KDM1A: variants seen among roughly 807,000 people sequenced by gnomAD.
KDM1A encodes lysine demethylase 1A.
Under a neutral mutation model 109.4 loss-of-function variants are expected in KDM1A, and 49 were observed. The observed-to-expected ratio is 0.45, with a 90% CI of 0.36 to 0.57. KDM1A has a LOEUF of 0.57. KDM1A is among the 20% of genes least tolerant of loss of function. The probability of loss-of-function intolerance (pLI) is 0.00; values close to 1 mark genes in which losing one functional copy is unlikely to be tolerated. For missense variants in KDM1A, 668 were observed against 1,116.6 expected (o/e 0.60, Z 5.73); for synonymous variants, 380 against 415.4 (o/e 0.91, Z 1.04).
chr1:23,023,472 G>A (rs1012428429), intron 1 of KDM1A, among the ~76,000 whole-genome samples: 11 of 152,100 alleles, frequency 7.2e-5, no homozygotes, highest in South Asian at 2.1e-4. Flanking sequence ...TTCTCTCAGC[G>A]AATAGTTGGC....
At chr1:23,028,384 T>A (rs7548692) in intron 1 of KDM1A, among the ~76,000 whole-genome samples, 46,941 of 152,142 alleles carry the variant, frequency 0.31, 7,303 homozygotes, top group Middle Eastern at 0.42. Flanking sequence ...CTGTAAAGAT[T>A]GCAGTTTCCC....
At chr1:23,063,824 G>A (rs1643087579) in intron 9 of KDM1A, among the ~76,000 whole-genome samples, 1 of 152,146 alleles carries the variant, frequency 6.6e-6, no homozygotes, top group African/African-American at 2.4e-5. Context: ...CTGCTTTAAG[G>A]AAGTCAAAAA....
chr1:23,059,179 A>G lies in KDM1A; in HGVS notation c.1167+12A>G, dbSNP rs1242647805. 2.5e-6 allele frequency: 4 copies of G among 1,601,814 alleles called. No individual in the cohort carries two copies. Among genetic ancestry groups the G allele is most frequent in the Non-Finnish European group, 3.4e-6 (4 of 1,171,420 alleles). On this transcript the variant is annotated intron_variant, in intron 9 of 20. Coordinates refer to ENST00000400181, the MANE Select transcript of KDM1A (RefSeq NM_001009999.3). ...CCAACGGACAAGCTGTAAGTCGAGG[A>G]CAAACAGAACTTTCAACATTTCTTT...
At chr1:23,051,333 T>A (rs1300249408) in intron 4 of KDM1A, among the ~76,000 whole-genome samples, 1 of 152,234 alleles carries the variant, frequency 6.6e-6, no homozygotes, top group Non-Finnish European at 1.5e-5. Context: ...CATTCTTGAC[T>A]CTACCTATTA....
chr1:23,040,007 T>C (rs1196314057), intron 2 of KDM1A, among the ~76,000 whole-genome samples: 2 of 152,264 alleles, frequency 1.3e-5, no homozygotes, highest in Non-Finnish European at 2.9e-5. Flanking sequence ...TGGCTTTAAC[T>C]TTTGAAATGT....
At chr1:23,029,833 T>G (rs1641923143) in intron 1 of KDM1A, among the ~76,000 whole-genome samples, 1 of 152,132 alleles carries the variant, frequency 6.6e-6, no homozygotes, top group Non-Finnish European at 1.5e-5. Context: ...AGAGAAGGGT[T>G]TTCACCATGT....
In KDM1A at chr1:23,019,593, C is replaced by G. The variant is rs572600814; in HGVS notation, c.-4C>G. 16 of 1,412,642 alleles carry G rather than the reference C, an allele frequency of 1.1e-5. No homozygotes were observed. The African/African-American group carries it at 1.9e-4, about 17-fold the overall frequency. The allele number at this position is 1,412,642 out of a possible 1,614,324, so 87.5% of individuals were successfully genotyped here. A position where few individuals can be genotyped will look rare whatever the true frequency, so the allele number is the denominator to read the frequency against. On this transcript the variant is annotated 5_prime_UTR_variant, in exon 1 of 21. Coordinates refer to ENST00000400181, the MANE Select transcript of KDM1A (RefSeq NM_001009999.3). ...TACGGCCGTCGGCGGCCCGGCGGCC[C>G]GAGATGTTATCTGGGAAGAAGGCGG...
chr1:23,050,628 T>A, intron 4 of KDM1A, 108 bp downstream of exon 4: 1 of 854,142 alleles, frequency 1.2e-6, no homozygotes, highest in Non-Finnish European at 1.7e-6. Flanking sequence ...AAATTATCTA[T>A]AATACTATTA....
intron 9 of KDM1A, among the ~76,000 whole-genome samples, chr1:23,064,378 C>T (rs76642504): frequency 2.0e-5 from 3 of 152,264 alleles, no homozygotes; most frequent in Admixed American, 6.5e-5. Flanking sequence ...TAGAAGTGCT[C>T]GATGGCATGG....
intron 1 of KDM1A, among the ~76,000 whole-genome samples, chr1:23,029,100 C>T (rs951478679): frequency 1.1e-4 from 16 of 152,164 alleles, no homozygotes; most frequent in East Asian, 7.7e-4. Flanking sequence ...ACCAGTCCCC[C>T]GCCCCCAAAT....
intron 1 of KDM1A, among the ~76,000 whole-genome samples, chr1:23,022,076 C>T (rs1641648939): frequency 1.3e-5 from 2 of 152,172 alleles, no homozygotes; most frequent in Middle Eastern, 3.2e-3. Context: ...CATCATTTGA[C>T]GCACATTGGG....
intron 8 of KDM1A, chr1:23,057,867 G>A (rs1642881801): frequency 5.0e-6 from 1 of 199,390 alleles, no homozygotes; most frequent in Non-Finnish European, 9.9e-6. Context: ...GCAGTGGCGT[G>A]ACCTCCACTC....
chr1:23,019,494 G>A lies in KDM1A; in HGVS notation c.-103G>A, dbSNP rs1201626051. 8 of 1,294,292 alleles carry A rather than the reference G, an allele frequency of 6.2e-6. No homozygotes were observed. Among genetic ancestry groups the A allele is most frequent in the African/African-American group, 1.5e-5 (1 of 65,542 alleles). 80.2% of individuals were successfully genotyped at this position (1,294,292 alleles called of 1,614,324 possible). On this transcript the variant is annotated 5_prime_UTR_variant, in exon 1 of 21. Transcript: ENST00000400181. ...GCGCGTGCGTACGCGACGGCGGTTG[G>A]CGGCGCGCGGGCAGCGTGAAGCGAG...
In KDM1A at chr1:23,023,886, G is replaced by A. The variant is rs533924349; in HGVS notation, c.351+3939G>A. Among the ~76,000 whole-genome samples, 20 of 152,272 alleles carry A rather than the reference G, an allele frequency of 1.3e-4. No individual in the cohort carries two copies. In the South Asian group the frequency reaches 3.9e-3, roughly 30 times the overall value. On this transcript the variant is annotated intron_variant, in intron 1 of 20. Coordinates refer to ENST00000400181, the MANE Select transcript of KDM1A (RefSeq NM_001009999.3). ...TTTTTTGGAGGCAGGTTCTCACTCT[G>A]TCACCCATGCTGGAGTGCAGTGGCT...
At chr1:23,034,886 G>C (rs1642097070) in intron 2 of KDM1A, among the ~76,000 whole-genome samples, 1 of 152,134 alleles carries the variant, frequency 6.6e-6, no homozygotes, top group Non-Finnish European at 1.5e-5. Flanking sequence ...TTTTTCAGTA[G>C]AGACATCAGA....
chr1:23,033,041 T>G (rs1052253261), intron 2 of KDM1A, among the ~76,000 whole-genome samples: 22 of 152,120 alleles, frequency 1.4e-4, no homozygotes, highest in African/African-American at 5.3e-4. Context: ...TGATTACAGA[T>G]GTGCGTCACC....
At chr1:23,024,292 G>A (rs142999445) in intron 1 of KDM1A, among the ~76,000 whole-genome samples, 76 of 152,296 alleles carry the variant, frequency 5.0e-4, no homozygotes, top group Non-Finnish European at 9.7e-4. Flanking sequence ...CTACTAGGAA[G>A]CTAGCAACTA....
At chr1:23,050,978 G>C (rs1642651888) in intron 4 of KDM1A, among the ~76,000 whole-genome samples, 1 of 152,134 alleles carries the variant, frequency 6.6e-6, no homozygotes, top group African/African-American at 2.4e-5. Flanking sequence ...CCAGCTACTT[G>C]AGAGGCTGAA....
intron 2 of KDM1A, among the ~76,000 whole-genome samples, chr1:23,032,464 T>C (rs1345339411): frequency 6.6e-6 from 1 of 151,842 alleles, no homozygotes; most frequent in Non-Finnish European, 1.5e-5. Flanking sequence ...TGTGTTGTAG[T>C]TAATTATAAT....
Sources: gnomAD v4.1 joint callset for allele counts (sites outside exome capture counted in the v4.1 genomes callset) on GRCh38, gnomAD v4.1.1 for gene constraint, MANE v1.5 for transcripts, NCBI Gene and HGNC (gene_info 2026-07-23, HGNC 2026-07-21) for gene names.